The following TMEM135 variants were observed in gnomAD, a reference collection of about 807,000 sequenced individuals.
The protein encoded by TMEM135 is peroxisomal membrane protein 52.
Under a neutral mutation model 60.3 loss-of-function variants are expected in TMEM135, and 30 were observed. That is an observed-to-expected ratio of 0.50 (90% CI 0.37 to 0.68). TMEM135 has a LOEUF of 0.68. TMEM135 is among the 30% of genes least tolerant of loss of function. The pLI, the probability that TMEM135 is intolerant of heterozygous loss-of-function variation, is 0.00. For missense variants in TMEM135, 468 were observed against 548.8 expected, an observed-to-expected ratio of 0.85 and a Z score of 1.47; for synonymous variants, 190 against 186.7, an observed-to-expected ratio of 1.02 and a Z score of -0.14.
In TMEM135 at chr11:87,321,364, T is replaced by A; in HGVS notation, c.*31T>A. ...ACTGTAACTTATTAATGTGACTAAATGTTTCATCTTGAAGAGTTAATTATG... is the reference window on the plus strand; with the variant it reads ...ACTGTAACTTATTAATGTGACTAAAAGTTTCATCTTGAAGAGTTAATTATG... On this transcript the variant is annotated 3_prime_UTR_variant, in exon 15 of 15. Coordinates refer to ENST00000305494, the MANE Select transcript of TMEM135 (RefSeq NM_022918.4). The A allele has an allele frequency of 6.2e-7, 1 of 1,612,314 alleles. No individual in the cohort carries two copies. Among genetic ancestry groups the A allele is most frequent in the African/African-American group, 1.3e-5 (1 of 74,990 alleles).
chr11:87,067,126 T>C (rs1396540835), intron 1 of TMEM135, among the ~76,000 whole-genome samples: 3 of 148,004 alleles, frequency 2.0e-5, no homozygotes, highest in Non-Finnish European at 4.5e-5. Context: ...TTTAATGGGC[T>C]CCAGGAGGCC....
At chr11:87,147,197 C>A (rs948756130) in intron 4 of TMEM135, among the ~76,000 whole-genome samples, 1 of 152,034 alleles carries the variant, frequency 6.6e-6, no homozygotes, top group Admixed American at 6.5e-5. Flanking sequence ...GTGGCGTGTG[C>A]CTGTAGTCCC....
chr11:87,189,661 G>A (rs1184408372), intron 5 of TMEM135, among the ~76,000 whole-genome samples: 1 of 151,434 alleles, frequency 6.6e-6, no homozygotes, highest in Non-Finnish European at 1.5e-5. Context: ...CCTCACACCT[G>A]TAATCCTAGC....
At chr11:87,206,412 G>A (rs1005900832) in intron 5 of TMEM135, among the ~76,000 whole-genome samples, 5 of 152,068 alleles carry the variant, frequency 3.3e-5, no homozygotes, top group Non-Finnish European at 5.9e-5. Context: ...GATGGTACAT[G>A]TAACTCATTC....
chr11:87,186,014 C>T lies in TMEM135; in HGVS notation c.462+28608C>T, dbSNP rs183832749. ...ATTTGTCTCCCAGGTTCAAGTGATT[C>T]TCCTGCCTCAGCCTCCCGAGTAGCT... On this transcript the variant is annotated intron_variant, in intron 5 of 14. Coordinates refer to ENST00000305494, the MANE Select transcript of TMEM135 (RefSeq NM_022918.4). Among the ~76,000 whole-genome samples, 1,210 of 151,436 alleles carry T rather than the reference C, an allele frequency of 8.0e-3. 4 individuals carry two copies. The highest frequency in any genetic ancestry group is 0.011 in the Non-Finnish European group (726 of 67,936).
At chr11:87,153,119 A>G (rs561796690) in intron 4 of TMEM135, among the ~76,000 whole-genome samples, 3 of 152,350 alleles carry the variant, frequency 2.0e-5, no homozygotes, top group East Asian at 3.9e-4. Flanking sequence ...TTAGTAGAGC[A>G]TCCTTCAAAT....
intron 5 of TMEM135, among the ~76,000 whole-genome samples, chr11:87,170,804 A>T (rs1007238253): frequency 2.6e-5 from 4 of 152,152 alleles, no homozygotes; most frequent in African/African-American, 9.7e-5. Context: ...GTCCCTTAGC[A>T]GAGCTCCAGT....
At chr11:87,222,339 G>T in intron 5 of TMEM135, among the ~76,000 whole-genome samples, 1 of 134,052 alleles carries the variant, frequency 7.5e-6, no homozygotes, top group Admixed American at 7.6e-5. Flanking sequence ...TACTAAAAAT[G>T]CAAAAAAAAT....
At chr11:87,129,056 G>C (rs491895) in intron 4 of TMEM135, among the ~76,000 whole-genome samples, 71,675 of 147,944 alleles carry the variant, frequency 0.48, 17,487 homozygotes, top group East Asian at 0.68. Context: ...CTCTAAATAT[G>C]TGGAGCTTTT....
chr11:87,064,261 C>CA (rs1268720057), intron 1 of TMEM135, among the ~76,000 whole-genome samples: 7 of 117,632 alleles, frequency 6.0e-5, no homozygotes, highest in Non-Finnish European at 1.2e-4. Flanking sequence ...GCGAATGACT[C>CA]CTTTTTTTTT....
chr11:87,107,761 T>A (rs1857635892), intron 4 of TMEM135, among the ~76,000 whole-genome samples: 1 of 152,200 alleles, frequency 6.6e-6, no homozygotes, highest in Non-Finnish European at 1.5e-5. Context: ...TGATTTATAA[T>A]CCTTTGAGTA....
At chr11:87,282,817 TATATA>T (rs1430788399) in intron 6 of TMEM135, among the ~76,000 whole-genome samples, 3 of 152,338 alleles carry the variant, frequency 2.0e-5, no homozygotes, top group East Asian at 3.9e-4. Flanking sequence ...TTTCTTAATC[TATATA>T]ATATAATTCT....
Position 87,277,193 on chromosome 11 carries a change from G to A in TMEM135, c.510-18589G>A, listed in dbSNP as rs190235673. ...GTTGCCCAGGCTGGAGTGCAGTGGT[G>A]TGATCTCAGCTCACTACAACCTGCA... On this transcript the variant is annotated intron_variant, in intron 6 of 14. Coordinates refer to ENST00000305494, the MANE Select transcript of TMEM135 (RefSeq NM_022918.4). 219 of 266,028 alleles carry A rather than the reference G, an allele frequency of 8.2e-4. 1 individual carries two copies. The highest frequency in any genetic ancestry group is 4.7e-3 in the African/African-American group (206 of 43,420). The allele number at this position is 266,028 out of a possible 1,614,324, so 16.5% of individuals were successfully genotyped here. A position where few individuals can be genotyped will look rare whatever the true frequency, so the allele number is the denominator to read the frequency against.
At chr11:87,086,787 T>G (rs1857106038) in intron 3 of TMEM135, among the ~76,000 whole-genome samples, 1 of 152,230 alleles carries the variant, frequency 6.6e-6, no homozygotes, top group Non-Finnish European at 1.5e-5. Flanking sequence ...GTTCTTAATC[T>G]GGTCTGTGGA....
In TMEM135 at chr11:87,310,217, C is replaced by T. The variant is rs183937159; in HGVS notation, c.936+545C>T. Among the ~76,000 whole-genome samples the T allele has an allele frequency of 2.7e-3, 411 of 152,238 alleles. 2 individuals carry two copies. The highest frequency in any genetic ancestry group is 4.9e-3 in the Non-Finnish European group (330 of 68,006). On this transcript the variant is annotated intron_variant, in intron 10 of 14. Coordinates refer to ENST00000305494, the MANE Select transcript of TMEM135 (RefSeq NM_022918.4). Reference sequence around the variant, plus strand: ...AGAGTTCACAGTCTTCCACCCCATTCTGTATGTTCCTATAAAAGTGTCCAT... The same window carrying T: ...AGAGTTCACAGTCTTCCACCCCATTTTGTATGTTCCTATAAAAGTGTCCAT...
At chr11:87,100,340 A>G (rs920448380) in intron 4 of TMEM135, among the ~76,000 whole-genome samples, 7 of 152,136 alleles carry the variant, frequency 4.6e-5, no homozygotes, top group Admixed American at 2.0e-4. Flanking sequence ...AGAGCCATTT[A>G]TTTATTACTG....
At chr11:87,139,595 G>A (rs1158260042) in intron 4 of TMEM135, among the ~76,000 whole-genome samples, 120 of 152,134 alleles carry the variant, frequency 7.9e-4, no homozygotes, top group Non-Finnish European at 1.2e-4. Context: ...CTCATGGTAA[G>A]TATATGTTTA....
intron 4 of TMEM135, among the ~76,000 whole-genome samples, chr11:87,131,815 T>A (rs975126858): frequency 2.0e-5 from 3 of 152,138 alleles, no homozygotes; most frequent in African/African-American, 7.2e-5. Context: ...AGGAGGTGAA[T>A]GGCAGGCTAA....
rs1357522518 is a variant in TMEM135, at chr11:87,199,850, A to T, written c.463-36788A>T. Among the ~76,000 whole-genome samples the T allele has an allele frequency of 2.0e-5, 3 of 152,198 alleles. No individual in the cohort carries two copies. In the East Asian group the frequency reaches 5.8e-4, roughly 29 times the overall value. On this transcript the variant is annotated intron_variant, in intron 5 of 14. Coordinates refer to ENST00000305494, the MANE Select transcript of TMEM135 (RefSeq NM_022918.4). The stretch of plus-strand genomic sequence containing the variant: ...GAGGCTGAGGCAGGAGAATTGCTTG[A>T]CCCTGGGAGACAGAGGTGGCAGTGA...
Sources: gnomAD v4.1 joint callset for allele counts (sites outside exome capture counted in the v4.1 genomes callset) on GRCh38, gnomAD v4.1.1 for gene constraint, MANE v1.5 for transcripts, NCBI Gene and HGNC (gene_info 2026-07-23, HGNC 2026-07-21) for gene names.